UBR2: variants seen among roughly 807,000 people sequenced by gnomAD.
The protein encoded by UBR2 is ubiquitin protein ligase E3 component n-recognin 2, also known as E3 ubiquitin-protein ligase UBR2.
UBR2 carries 92 observed loss-of-function variants against 247.9 expected under a neutral mutation model. The ratio of observed to expected loss-of-function variants is 0.37; its 90% CI spans 0.31 to 0.44. The LOEUF (loss-of-function observed/expected upper bound fraction) is 0.44, where lower values mean the gene tolerates loss of function less well. Among genes scored for constraint, UBR2 ranks in the 20% least tolerant of loss-of-function variants. The probability of loss-of-function intolerance (pLI) is 1.00; values close to 1 mark genes in which losing one functional copy is unlikely to be tolerated. For missense variants in UBR2, 1,613 were observed against 2,112.6 expected (o/e 0.76, Z 4.64); for synonymous variants, 672 against 693.5 (o/e 0.97, Z 0.49).
At chr6:42,566,342 G>C (rs1220867467) in intron 1 of UBR2, among the ~76,000 whole-genome samples, 1 of 152,134 alleles carries the variant, frequency 6.6e-6, no homozygotes, top group East Asian at 1.9e-4. Flanking sequence ...GACTTCATTT[G>C]AGTTTGTGAA....
intron 13 of UBR2, 89 bp downstream of exon 13, chr6:42,632,993 T>C (rs1445614086): frequency 1.1e-6 from 1 of 902,684 alleles, no homozygotes; most frequent in East Asian, 2.9e-5. Context: ...CTTTTTCTTT[T>C]TAAGAGATGG....
At chr6:42,575,320 C>G (rs1791435390) in intron 2 of UBR2, among the ~76,000 whole-genome samples, 1 of 152,070 alleles carries the variant, frequency 6.6e-6, no homozygotes, top group Non-Finnish European at 1.5e-5. Context: ...CAATAGAGAA[C>G]AGTATATATA....
At chr6:42,599,457 C>T (rs1793213718) in intron 4 of UBR2, among the ~76,000 whole-genome samples, 1 of 152,022 alleles carries the variant, frequency 6.6e-6, no homozygotes, top group Admixed American at 6.6e-5. Flanking sequence ...ATAAAAAAAA[C>T]TTGCCCAAAG....
intron 2 of UBR2, among the ~76,000 whole-genome samples, chr6:42,581,494 C>T (rs527555958): frequency 2.0e-5 from 3 of 152,210 alleles, no homozygotes; most frequent in African/African-American, 7.2e-5. Context: ...CCCAGCCAAC[C>T]TGGCTAATTT....
chr6:42,617,926 A>G (rs1046336437), intron 11 of UBR2, among the ~76,000 whole-genome samples: 1 of 152,234 alleles, frequency 6.6e-6, no homozygotes, highest in Non-Finnish European at 1.5e-5. Flanking sequence ...AGCTAAGGCA[A>G]TTGAATCCTG....
At chr6:42,658,374 G>C in intron 28 of UBR2, 54 bp downstream of exon 28, 1 of 1,498,472 alleles carries the variant, frequency 6.7e-7, no homozygotes, top group Non-Finnish European at 9.1e-7. Context: ...AGTTCAGTAT[G>C]AACAAAATAA....
At chr6:42,575,741 T>G (rs1226357935) in intron 2 of UBR2, among the ~76,000 whole-genome samples, 1 of 152,216 alleles carries the variant, frequency 6.6e-6, no homozygotes, top group Non-Finnish European at 1.5e-5. Flanking sequence ...CTACAACTGG[T>G]GATATTGATC....
At position 42,690,606 on chromosome 6, in the gene UBR2, T is replaced by C. The variant is rs140314615; in HGVS notation, c.5127-426T>C. ...ATGTTTTTCTTTTCTTTTCTTTTCT[T>C]TTTTCTTTGCACTCTTAGTAAAATC... On this transcript the variant is annotated intron_variant, in intron 46 of 46. Transcript: ENST00000372901. Among the ~76,000 whole-genome samples the C allele has an allele frequency of 5.1e-4, 78 of 152,330 alleles. 2 individuals carry two copies. In the East Asian group the frequency reaches 8.5e-3, roughly 17 times the overall value.
chr6:42,619,453 A>ATTTTT (rs1554251969), intron 11 of UBR2: 310 of 23,784 alleles, frequency 0.013, 30 homozygotes, highest in East Asian at 0.026. Flanking sequence ...ATATATATAT[A>ATTTTT]TTTTTTTTTT....
intron 7 of UBR2, among the ~76,000 whole-genome samples, chr6:42,607,722 T>G (rs909638706): frequency 4.4e-5 from 6 of 136,000 alleles, no homozygotes; most frequent in East Asian, 2.2e-4. Context: ...GTTTTTTTTT[T>G]TTTTTTTTTT....
intron 11 of UBR2, among the ~76,000 whole-genome samples, chr6:42,624,924 GTGGACTTTCA>G (rs1795238045): frequency 6.6e-6 from 1 of 152,116 alleles, no homozygotes; most frequent in Non-Finnish European, 1.5e-5. Flanking sequence ...TCTTAACCTT[GTGGACTTTCA>G]TTAGTTTTAT....
At chr6:42,625,880 C>A (rs1190716143) in intron 11 of UBR2, among the ~76,000 whole-genome samples, 1 of 148,238 alleles carries the variant, frequency 6.7e-6, no homozygotes, top group African/African-American at 2.5e-5. Flanking sequence ...GTGGTGCGAT[C>A]TCGGCTCACT....
At chr6:42,682,080 AAAAGT>A (rs1284513329) in intron 42 of UBR2, among the ~76,000 whole-genome samples, 1 of 152,188 alleles carries the variant, frequency 6.6e-6, no homozygotes, top group African/African-American at 2.4e-5. Context: ...TCTCAAAAAG[AAAAGT>A]AAAGAAAATT....
At chr6:42,591,016 C>T (rs753372297) in intron 2 of UBR2, among the ~76,000 whole-genome samples, 8 of 152,186 alleles carry the variant, frequency 5.3e-5, no homozygotes, top group Non-Finnish European at 1.2e-4. Flanking sequence ...CTTTGGGAGG[C>T]CAAGGCAGGC....
In UBR2 at chr6:42,602,752, C is replaced by CTGTG. The variant is rs1200686500; in HGVS notation, c.532-831_532-828dup. ...TTTTGCACTATGTTTTATTTTTATG[C>CTGTG]TGTGTGTGCGTGTGTGTGTGTGTGT... On this transcript the variant is annotated intron_variant, in intron 4 of 46. Coordinates refer to ENST00000372901, the MANE Select transcript of UBR2 (RefSeq NM_001363705.2). Among the ~76,000 whole-genome samples, 702 of 122,520 alleles carry CTGTG rather than the reference C, an allele frequency of 5.7e-3. 5 individuals are homozygous for CTGTG. The highest frequency in any genetic ancestry group is 0.022 in the African/African-American group (685 of 30,946). 80.4% of individuals were successfully genotyped at this position (122,520 alleles called of 152,430 possible).
chr6:42,629,214 G>A (rs1041533360), intron 11 of UBR2, among the ~76,000 whole-genome samples: 3 of 151,812 alleles, frequency 2.0e-5, no homozygotes, highest in African/African-American at 7.3e-5. Flanking sequence ...AGGGGGTTTC[G>A]CCATGTTGGC....
chr6:42,680,990 C>A (rs761778186), intron 42 of UBR2, among the ~76,000 whole-genome samples: 133 of 152,054 alleles, frequency 8.7e-4, no homozygotes, highest in Non-Finnish European at 1.5e-3. Flanking sequence ...GATGAAACCC[C>A]GTCTCTACTA....
chr6:42,684,982 T>G (rs1445020825), intron 44 of UBR2, 111 bp downstream of exon 44: 1 of 869,642 alleles, frequency 1.1e-6, no homozygotes, highest in Non-Finnish European at 1.7e-6. Flanking sequence ...ATCATATCTG[T>G]AGTCCTTTAT....
chr6:42,633,499 TC>T (rs1329029497), intron 13 of UBR2, among the ~76,000 whole-genome samples: 1 of 151,904 alleles, frequency 6.6e-6, no homozygotes, highest in African/African-American at 2.4e-5. Flanking sequence ...CAAGTGAATA[TC>T]CTGCCTCAGC....
Sources: allele counts gnomAD v4.1 joint callset (sites outside exome capture counted in the v4.1 genomes callset), GRCh38; gene constraint gnomAD v4.1.1; transcripts MANE v1.5; gene names NCBI Gene and HGNC (gene_info 2026-07-23, HGNC 2026-07-21).